Variants in CRPPA observed in about 807,000 individuals in gnomAD.
CRPPA encodes CDP-L-ribitol pyrophosphorylase A, also known as D-ribitol-5-phosphate cytidylyltransferase.
CRPPA carries 43 observed loss-of-function variants against 52.0 expected under a neutral mutation model. That is an observed-to-expected ratio of 0.83 (90% confidence interval 0.65 to 1.07). The LOEUF (loss-of-function observed/expected upper bound fraction) is 1.07. CRPPA is among the 50% of genes least tolerant of loss of function. CRPPA has a pLI of 0.00. For missense variants in CRPPA, 629 were observed against 551.7 expected, an observed-to-expected ratio of 1.14 and a Z score of -1.40; for synonymous variants, 250 against 203.5, an observed-to-expected ratio of 1.23 and a Z score of -1.94.
At chr7:16,366,643 C>T (rs1490027296) in intron 3 of CRPPA, among the ~76,000 whole-genome samples, 1 of 151,800 alleles carries the variant, frequency 6.6e-6, no homozygotes, top group Non-Finnish European at 1.5e-5. Flanking sequence ...AGAGTATACT[C>T]AAAGAAGATC....
intron 9 of CRPPA, among the ~76,000 whole-genome samples, chr7:16,205,153 A>G (rs1453331610): frequency 6.6e-6 from 1 of 152,202 alleles, no homozygotes; most frequent in Non-Finnish European, 1.5e-5. Flanking sequence ...TGAATTCACA[A>G]CAACGGCCAC....
At chr7:16,161,613 A>G (rs1206279724) in intron 9 of CRPPA, among the ~76,000 whole-genome samples, 3 of 152,118 alleles carry the variant, frequency 2.0e-5, no homozygotes, top group Admixed American at 6.6e-5. Flanking sequence ...TTTTTGCATC[A>G]ATGTTCATCA....
intron 3 of CRPPA, among the ~76,000 whole-genome samples, chr7:16,309,772 C>T (rs1457512077): frequency 6.6e-6 from 1 of 152,034 alleles, no homozygotes; most frequent in East Asian, 1.9e-4. Context: ...ATTTTATTAT[C>T]CTTACATGGA....
At chr7:16,106,714 T>C (rs1284482275) in intron 9 of CRPPA, among the ~76,000 whole-genome samples, 1 of 152,126 alleles carries the variant, frequency 6.6e-6, no homozygotes, top group Non-Finnish European at 1.5e-5. Flanking sequence ...TGCAAAGACA[T>C]AATAATTTAA....
At chr7:16,099,262 AGGAGAG>A (rs1240769723) in intron 9 of CRPPA, among the ~76,000 whole-genome samples, 1 of 149,556 alleles carries the variant, frequency 6.7e-6, no homozygotes, top group Non-Finnish European at 1.5e-5. Flanking sequence ...CTTTAAAAAG[AGGAGAG>A]GGAGAGGGGC....
chr7:16,378,800 A>T (rs1786985227), intron 2 of CRPPA, among the ~76,000 whole-genome samples: 1 of 152,102 alleles, frequency 6.6e-6, no homozygotes, highest in African/African-American at 2.4e-5. Context: ...AATGATTGCC[A>T]TTCTAACTTG....
At chr7:16,366,744 C>G (rs1249644096) in intron 3 of CRPPA, among the ~76,000 whole-genome samples, 1 of 148,460 alleles carries the variant, frequency 6.7e-6, no homozygotes, top group African/African-American at 2.5e-5. Flanking sequence ...ATGAACCTAC[C>G]TAGTAGAATA....
intron 3 of CRPPA, among the ~76,000 whole-genome samples, chr7:16,366,805 A>C (rs1277887675): frequency 1.3e-5 from 2 of 152,082 alleles, no homozygotes; most frequent in African/African-American, 4.8e-5. Flanking sequence ...TAAAAAAAAA[A>C]AAACATGGGA....
intron 7 of CRPPA, 87 bp downstream of exon 7, chr7:16,258,833 T>C (rs928489314): frequency 5.2e-5 from 39 of 753,894 alleles, no homozygotes; most frequent in Middle Eastern, 3.3e-4. Context: ...CATCATAATA[T>C]CATATATAAA....
rs199579699 is a variant in CRPPA, at chr7:16,241,973, G to T, written c.1119+16417C>A. Among the ~76,000 whole-genome samples, 959 of 106,370 alleles carry T rather than the reference G, an allele frequency of 9.0e-3. 33 individuals carry two copies. The highest frequency in any genetic ancestry group is 0.02 in the East Asian group (74 of 3,662). 69.8% of individuals were successfully genotyped at this position (106,370 alleles called of 152,430 possible). ...TTTTTTTTTTTTTTTTTTTTTGTTG[G>T]GGGGAGATAGAGTCTCGCTCTGTCA... On this transcript the variant is annotated intron_variant, in intron 8 of 9. Coordinates refer to ENST00000407010, the MANE Select transcript of CRPPA (RefSeq NM_001101426.4).
chr7:16,416,053 T>C (rs1161853091), intron 1 of CRPPA, among the ~76,000 whole-genome samples: 1 of 152,146 alleles, frequency 6.6e-6, no homozygotes, highest in Non-Finnish European at 1.5e-5. Context: ...CAACCCTCTA[T>C]TAGTGAGATA....
intron 9 of CRPPA, among the ~76,000 whole-genome samples, chr7:16,186,613 AAAAT>A (rs1781509501): frequency 6.6e-6 from 1 of 152,246 alleles, no homozygotes; most frequent in African/African-American, 2.4e-5. Flanking sequence ...TTTTTCAAGA[AAAAT>A]AAATGTTACA....
chr7:16,339,186 A>G (rs573793175), intron 3 of CRPPA, among the ~76,000 whole-genome samples: 2 of 152,224 alleles, frequency 1.3e-5, no homozygotes, highest in Admixed American at 6.5e-5. Flanking sequence ...ATACTTCCCA[A>G]CTCATTCTGT....
intron 4 of CRPPA, 109 bp from the exon 5 acceptor site, chr7:16,301,575 T>A: frequency 1.5e-6 from 1 of 659,512 alleles, no homozygotes; most frequent in Non-Finnish European, 2.7e-6. Flanking sequence ...TATAAACATG[T>A]AATACTGACA....
At chr7:16,419,455 C>T (rs923160963) in intron 1 of CRPPA, among the ~76,000 whole-genome samples, 2 of 152,300 alleles carry the variant, frequency 1.3e-5, no homozygotes, top group Admixed American at 6.5e-5. Flanking sequence ...AAAAAGACCC[C>T]TTTCTTGCCT....
intron 3 of CRPPA, among the ~76,000 whole-genome samples, chr7:16,348,021 T>G (rs77301988): frequency 0.013 from 2,048 of 152,192 alleles, 42 homozygotes; most frequent in African/African-American, 0.046. Flanking sequence ...CATTTCTCTC[T>G]GGAAGGAGAT....
At chr7:16,335,178 A>AG (rs1218386570) in intron 3 of CRPPA, among the ~76,000 whole-genome samples, 1 of 138,780 alleles carries the variant, frequency 7.2e-6, no homozygotes, top group East Asian at 2.2e-4. Context: ...AAAAAAAAAA[A>AG]GGAAAAAGAA....
chr7:16,114,347 C>T (rs1218973249), intron 9 of CRPPA, among the ~76,000 whole-genome samples: 2 of 150,374 alleles, frequency 1.3e-5, no homozygotes, highest in African/African-American at 4.9e-5. Flanking sequence ...AAAAAAAAAT[C>T]CCCAAACTTC....
At chr7:16,387,583 C>T (rs182169194) in intron 2 of CRPPA, among the ~76,000 whole-genome samples, 93 of 148,658 alleles carry the variant, frequency 6.3e-4, no homozygotes, top group African/African-American at 2.3e-3. Context: ...AAATCTATCA[C>T]ATGCTGTCTA....
Sources: gnomAD v4.1 joint callset for allele counts (sites outside exome capture counted in the v4.1 genomes callset) on GRCh38, gnomAD v4.1.1 for gene constraint, MANE v1.5 for transcripts, NCBI Gene and HGNC (gene_info 2026-07-23, HGNC 2026-07-21) for gene names.